The following FBXL17 variants were observed in gnomAD, a reference collection of about 807,000 sequenced individuals.
FBXL17 encodes the protein F-box and leucine rich repeat protein 17, also known as F-box/LRR-repeat protein 17.
Under a neutral mutation model 66.2 loss-of-function variants are expected in FBXL17, and 22 were observed. That is an observed-to-expected ratio of 0.33 (90% CI 0.24 to 0.47). The LOEUF (loss-of-function observed/expected upper bound fraction) is 0.47. Among genes scored for constraint, FBXL17 ranks in the 20% least tolerant of loss-of-function variants. The pLI, the probability that FBXL17 is intolerant of heterozygous loss-of-function variation, is 1.00. For synonymous variants in FBXL17, 474 were observed against 400.5 expected (o/e 1.18, Z -2.19); for missense variants, 878 against 948.2 (o/e 0.93, Z 0.97).
chr5:108,373,313 T>C (rs1282193885), intron 1 of FBXL17, among the ~76,000 whole-genome samples: 1 of 142,932 alleles, frequency 7.0e-6, no homozygotes, highest in Non-Finnish European at 1.5e-5. Flanking sequence ...TATCTAAATA[T>C]ATTAAATTTT....
At chr5:108,122,389 T>C (rs1319050782) in intron 6 of FBXL17, among the ~76,000 whole-genome samples, 1 of 152,202 alleles carries the variant, frequency 6.6e-6, no homozygotes, top group African/African-American at 2.4e-5. Flanking sequence ...CTATACTTCA[T>C]AAAGAAATAC....
At chr5:108,249,340 T>A (rs981632189) in intron 4 of FBXL17, among the ~76,000 whole-genome samples, 1 of 152,120 alleles carries the variant, frequency 6.6e-6, no homozygotes, top group Non-Finnish European at 1.5e-5. Context: ...ATCTGACTGA[T>A]ATAAGAGCTC....
chr5:108,218,466 T>C (rs1754707007), intron 5 of FBXL17, among the ~76,000 whole-genome samples: 1 of 152,224 alleles, frequency 6.6e-6, no homozygotes, highest in Non-Finnish European at 1.5e-5. Context: ...CTGGCTCATA[T>C]GGCAGTTTTA....
intron 7 of FBXL17, among the ~76,000 whole-genome samples, chr5:107,953,709 T>C (rs1255732889): frequency 6.6e-6 from 1 of 152,210 alleles, no homozygotes; most frequent in Non-Finnish European, 1.5e-5. Flanking sequence ...AGGTAATCCC[T>C]GCATGAAATC....
chr5:108,202,199 CTTTA>C (rs1489303790), intron 5 of FBXL17, among the ~76,000 whole-genome samples: 2 of 152,110 alleles, frequency 1.3e-5, no homozygotes, highest in Non-Finnish European at 2.9e-5. Context: ...TATCGACTCA[CTTTA>C]TTTGTTAGGA....
At chr5:108,181,810 T>A (rs564774028) in intron 6 of FBXL17, among the ~76,000 whole-genome samples, 2 of 152,278 alleles carry the variant, frequency 1.3e-5, no homozygotes, top group South Asian at 2.1e-4. Flanking sequence ...ATTTTATATA[T>A]AAATGTCAAT....
chr5:107,867,775 G>A (rs1748318079), intron 8 of FBXL17, among the ~76,000 whole-genome samples: 1 of 152,152 alleles, frequency 6.6e-6, no homozygotes, highest in Non-Finnish European at 1.5e-5. Context: ...GGTTGGTTCT[G>A]CTGTCATGGT....
Position 108,260,528 on chromosome 5 carries a change from C to T in FBXL17, c.1507-36300G>A, listed in dbSNP as rs143379978. Among the ~76,000 whole-genome samples the T allele has an allele frequency of 4.6e-5, 7 of 152,128 alleles. No individual in the cohort carries two copies. In the East Asian group the frequency reaches 5.8e-4, roughly 13 times the overall value. Reference sequence around the variant, plus strand: ...CAGTAGGCATAGGAAAGGGAGGAAACGGCAAAACCATGCCAGGCAACATCG... The same window carrying T: ...CAGTAGGCATAGGAAAGGGAGGAAATGGCAAAACCATGCCAGGCAACATCG... On this transcript the variant is annotated intron_variant, in intron 4 of 8. Coordinates refer to ENST00000542267, the MANE Select transcript of FBXL17 (RefSeq NM_001163315.3).
At chr5:108,189,307 GGGATGGGAT>G in intron 5 of FBXL17, among the ~76,000 whole-genome samples, 1 of 135,914 alleles carries the variant, frequency 7.4e-6, no homozygotes, top group Non-Finnish European at 1.6e-5. Flanking sequence ...GGGATGGGAT[GGGATGGGAT>G]GGGATGGGAT....
intron 7 of FBXL17, among the ~76,000 whole-genome samples, chr5:107,939,241 G>A (rs550382901): frequency 9.9e-5 from 15 of 152,014 alleles, no homozygotes; most frequent in African/African-American, 1.9e-4. Context: ...TAAAAATGTC[G>A]TAATAATGTT....
chr5:108,056,426 T>C (rs1434937756), intron 6 of FBXL17, among the ~76,000 whole-genome samples: 2 of 152,236 alleles, frequency 1.3e-5, no homozygotes, highest in Non-Finnish European at 2.9e-5. Flanking sequence ...TCTAGTTTTG[T>C]TCACTCCCTT....
At chr5:107,945,385 T>C (rs565362824) in intron 7 of FBXL17, among the ~76,000 whole-genome samples, 11 of 152,140 alleles carry the variant, frequency 7.2e-5, no homozygotes, top group South Asian at 2.1e-4. Flanking sequence ...TGTACTCCTA[T>C]ATTTATTCTT....
intron 7 of FBXL17, among the ~76,000 whole-genome samples, chr5:107,906,520 C>A (rs1658185686): frequency 6.6e-6 from 1 of 152,086 alleles, no homozygotes; most frequent in African/African-American, 2.4e-5. Flanking sequence ...CTATTTGTAT[C>A]ATCTAAATGA....
intron 7 of FBXL17, among the ~76,000 whole-genome samples, chr5:107,920,650 A>T (rs774772087): frequency 6.6e-6 from 1 of 152,330 alleles, no homozygotes; most frequent in Admixed American, 6.5e-5. Context: ...CCCCAAATTC[A>T]TAAGTGAACT....
At chr5:108,001,145 T>C (rs895650341) in intron 7 of FBXL17, among the ~76,000 whole-genome samples, 1 of 152,142 alleles carries the variant, frequency 6.6e-6, no homozygotes, top group Admixed American at 6.5e-5. Context: ...TCTTCACATG[T>C]GGTAGTACAC....
At chr5:108,273,741 G>C (rs1052649763) in intron 4 of FBXL17, among the ~76,000 whole-genome samples, 4 of 152,022 alleles carry the variant, frequency 2.6e-5, no homozygotes, top group African/African-American at 9.7e-5. Context: ...TATGCAGAAA[G>C]GACATTTGAA....
At chr5:108,125,489 T>G (rs1401833090) in intron 6 of FBXL17, among the ~76,000 whole-genome samples, 1 of 152,116 alleles carries the variant, frequency 6.6e-6, no homozygotes, top group Non-Finnish European at 1.5e-5. Context: ...TTGTATCAGC[T>G]AGAATTTAAG....
At chr5:108,361,193 T>C (rs1748315803) in intron 3 of FBXL17, among the ~76,000 whole-genome samples, 1 of 152,154 alleles carries the variant, frequency 6.6e-6, no homozygotes, top group Non-Finnish European at 1.5e-5. Flanking sequence ...TATTAAAATA[T>C]TAGATTATAA....
chr5:108,045,850 T>C (rs1747233642), intron 6 of FBXL17, among the ~76,000 whole-genome samples: 2 of 152,230 alleles, frequency 1.3e-5, no homozygotes, highest in Non-Finnish European at 2.9e-5. Context: ...TTAATTCTTT[T>C]AAATTTGAAG....
Sources: allele counts gnomAD v4.1 joint callset (sites outside exome capture counted in the v4.1 genomes callset), GRCh38; gene constraint gnomAD v4.1.1; transcripts MANE v1.5; gene names NCBI Gene and HGNC (gene_info 2026-07-23, HGNC 2026-07-21).